The following LDLRAD4 variants were observed in gnomAD, a reference collection of about 807,000 sequenced individuals.
LDLRAD4 encodes the protein low-density lipoprotein receptor class A domain-containing protein 4.
LDLRAD4 carries 5 observed loss-of-function variants against 17.0 expected under a neutral mutation model. The ratio of observed to expected loss-of-function variants is 0.29; its 90% CI spans 0.15 to 0.62. LDLRAD4 has a LOEUF of 0.62. LDLRAD4 is among the 20% of genes least tolerant of loss of function. The pLI is 0.84. For synonymous variants in LDLRAD4, 168 were observed against 171.8 expected (o/e 0.98, Z 0.17); for missense variants, 340 against 424.7 (o/e 0.80, Z 1.75).
chr18:13,383,837 C>T (rs973123419), intron 1 of LDLRAD4, among the ~76,000 whole-genome samples: 3 of 152,164 alleles, frequency 2.0e-5, no homozygotes, highest in African/African-American at 4.8e-5. Flanking sequence ...CTGAGCAGAA[C>T]GAAGCTTGCA....
chr18:13,398,795 G>C lies in LDLRAD4; in HGVS notation c.40+11033G>C, dbSNP rs1022571349. On this transcript the variant is annotated intron_variant, in intron 2 of 5. Transcript: ENST00000359446. This position sits in a 1 kb window ranked among gnomAD's most constrained non-coding sequence, Gnocchi z 4.8. Reference sequence around the variant, plus strand: ...CTCTGCAGAACCAGGCCCTGCCAGTGACCAGCCCACCCTCCCCGGGGGCAC... The same window carrying C: ...CTCTGCAGAACCAGGCCCTGCCAGTCACCAGCCCACCCTCCCCGGGGGCAC... Among the ~76,000 whole-genome samples, 2 of 152,156 alleles carry C rather than the reference G, an allele frequency of 1.3e-5. No individual in the cohort carries two copies. The highest frequency in any genetic ancestry group is 4.8e-5 in the African/African-American group (2 of 41,410).
intron 3 of LDLRAD4, among the ~76,000 whole-genome samples, chr18:13,574,922 C>T (rs1408856811): frequency 6.6e-6 from 1 of 152,198 alleles, no homozygotes; most frequent in Non-Finnish European, 1.5e-5. Flanking sequence ...TACGTCTCCT[C>T]CTTACAGCAC....
Position 13,300,890 on chromosome 18 carries a change from C to T in LDLRAD4, c.-383+22702C>T, listed in dbSNP as rs1008000886. Among the ~76,000 whole-genome samples the T allele has an allele frequency of 2.0e-5, 3 of 152,240 alleles. No individual in the cohort carries two copies. Among genetic ancestry groups the T allele is most frequent in the Admixed American group, 6.5e-5 (1 of 15,288 alleles). On this transcript the variant is annotated intron_variant, in intron 1 of 5. Transcript: ENST00000359446. The surrounding 1 kb of genome is among the most constrained non-coding windows in gnomAD (Gnocchi z 4.2). ...GGTGGTGAACTGGGAGCCGGCAGCG[C>T]GTCCCAGCGCTGAACCCGTGGCACC...
At chr18:13,325,854 G>A (rs1364283984) in intron 1 of LDLRAD4, among the ~76,000 whole-genome samples, 2 of 151,790 alleles carry the variant, frequency 1.3e-5, no homozygotes, top group South Asian at 2.1e-4. Context: ...CCGGGTTCAC[G>A]CCATTCTCCT....
chr18:13,321,599 C>G (rs2081221612), intron 1 of LDLRAD4, among the ~76,000 whole-genome samples: 1 of 152,072 alleles, frequency 6.6e-6, no homozygotes, highest in African/African-American at 2.4e-5. Flanking sequence ...GGCGTGGTGA[C>G]TCACGCCTGT....
chr18:13,231,433 G>A (rs2042068819), intron 1 of LDLRAD4, among the ~76,000 whole-genome samples: 3 of 152,178 alleles, frequency 2.0e-5, no homozygotes, highest in Admixed American at 1.3e-4. Flanking sequence ...GCCCGAGATC[G>A]CGTGAGTCTG....
intron 1 of LDLRAD4, among the ~76,000 whole-genome samples, chr18:13,226,180 C>CTCTTTTTTTTTTTTTTTTTTTTTTT (rs71370946): frequency 3.8e-5 from 2 of 52,188 alleles, no homozygotes; most frequent in African/African-American, 1.6e-4. Context: ...CCATGCCTTG[C>CTCTTTTTTTTTTTTTTTTTTTTTTT]TTTTTTTTTT....
At chr18:13,412,113 G>A (rs2088423008) in intron 2 of LDLRAD4, among the ~76,000 whole-genome samples, 1 of 152,190 alleles carries the variant, frequency 6.6e-6, no homozygotes, top group Admixed American at 6.5e-5. Flanking sequence ...CAAGTGTTGA[G>A]ATTACAGGGA....
chr18:13,482,065 G>A (rs962334261), intron 3 of LDLRAD4, among the ~76,000 whole-genome samples: 6 of 152,056 alleles, frequency 3.9e-5, no homozygotes, highest in Admixed American at 1.3e-4. Context: ...CTCTGTGGCC[G>A]AGGTGGACAG....
chr18:13,221,285 T>C (rs1180883209), intron 1 of LDLRAD4, among the ~76,000 whole-genome samples: 1 of 152,218 alleles, frequency 6.6e-6, no homozygotes, highest in Non-Finnish European at 1.5e-5. Flanking sequence ...AAATTATTCT[T>C]TTCTTTCTTC....
chr18:13,416,340 C>T (rs549819385), intron 2 of LDLRAD4, among the ~76,000 whole-genome samples: 2 of 152,338 alleles, frequency 1.3e-5, no homozygotes, highest in East Asian at 3.9e-4. Flanking sequence ...TGAGATCCTC[C>T]AAGCACTGTC....
At chr18:13,395,221 C>A (rs1052773316) in intron 2 of LDLRAD4, among the ~76,000 whole-genome samples, 2 of 151,798 alleles carry the variant, frequency 1.3e-5, no homozygotes, top group African/African-American at 2.4e-5. Flanking sequence ...AGTACCAAAA[C>A]ACAGTCTGGC....
At chr18:13,577,071 G>A (rs35933933) in intron 3 of LDLRAD4, among the ~76,000 whole-genome samples, 50,709 of 133,590 alleles carry the variant, frequency 0.38, 9,847 homozygotes, top group South Asian at 0.52. Flanking sequence ...TTTTATTTGC[G>A]GTTTAGCATT....
In LDLRAD4 at chr18:13,447,849, TCTGC is replaced by T. The variant is rs2091521410; in HGVS notation, c.181+9469_181+9472del. ...GGTCATGAATACTGTCTAGACGCTCTCTGCCTGAGCGAAGCCCTGGTCTCTAAGG... is the reference window on the plus strand; with the variant it reads ...GGTCATGAATACTGTCTAGACGCTCTCTGAGCGAAGCCCTGGTCTCTAAGG... On this transcript the variant is annotated intron_variant, in intron 3 of 5. Transcript: ENST00000359446. Among the ~76,000 whole-genome samples, 3 of 152,196 alleles carry T rather than the reference TCTGC, an allele frequency of 2.0e-5. No individual in the cohort carries two copies. In the South Asian group the frequency reaches 6.2e-4, roughly 32 times the overall value.
chr18:13,278,777 TC>T, intron 1 of LDLRAD4, among the ~76,000 whole-genome samples: 1 of 152,224 alleles, frequency 6.6e-6, no homozygotes, highest in Non-Finnish European at 1.5e-5. Flanking sequence ...CCGCTTGTCT[TC>T]CTTCCTTCCA....
At chr18:13,262,164 G>GAGTCCCGTGT (rs2043877615) in intron 1 of LDLRAD4, among the ~76,000 whole-genome samples, 1 of 108,022 alleles carries the variant, frequency 9.3e-6, no homozygotes, top group Non-Finnish European at 1.9e-5. Context: ...CTGTGCGTGG[G>GAGTCCCGTGT]GGCTGAGTCC....
chr18:13,343,161 C>T (rs867939511), intron 1 of LDLRAD4, among the ~76,000 whole-genome samples: 3 of 151,844 alleles, frequency 2.0e-5, no homozygotes, highest in Non-Finnish European at 2.9e-5. Flanking sequence ...TATACATGTG[C>T]CATGTTGGTG....
At position 13,561,123 on chromosome 18, in the gene LDLRAD4, A is replaced by G. The variant is rs554376148; in HGVS notation, c.182-59994A>G. 1.1e-4 allele frequency among the ~76,000 whole-genome samples: 14 copies of G among 129,086 alleles called. No homozygotes were observed. In the South Asian group the frequency reaches 3.9e-3, roughly 36 times the overall value. 84.7% of individuals were successfully genotyped at this position (129,086 alleles called of 152,430 possible). ...CCCAGTTACCAGATCTTACTGTCTCAGGGAACATCCTGCAGATATTCAGGG... is the reference window on the plus strand; with the variant it reads ...CCCAGTTACCAGATCTTACTGTCTCGGGGAACATCCTGCAGATATTCAGGG... On this transcript the variant is annotated intron_variant, in intron 3 of 5. Transcript: ENST00000359446.
rs34570055 is a variant in LDLRAD4, at chr18:13,564,700, G to GCC, written c.182-56412_182-56411dup. On this transcript the variant is annotated intron_variant, in intron 3 of 5. Transcript: ENST00000359446. ...CCCACGACCCCGCCTCTGCGCTGCCGCCCCCCTTCCTCCTGGCGGGGCCGT... is the reference window on the plus strand; with the variant it reads ...CCCACGACCCCGCCTCTGCGCTGCCGCCCCCCCCTTCCTCCTGGCGGGGCCGT... Among the ~76,000 whole-genome samples, 94 of 151,548 alleles carry GCC rather than the reference G, an allele frequency of 6.2e-4. No homozygotes were observed. The South Asian group carries it at 9.8e-3, about 16-fold the overall frequency.
Sources: gnomAD v4.1 joint callset for allele counts (sites outside exome capture counted in the v4.1 genomes callset) on GRCh38, gnomAD v4.1.1 for gene constraint, Gnocchi (gnomAD v3.1) non-coding constraint, MANE v1.5 for transcripts, NCBI Gene and HGNC (gene_info 2026-07-23, HGNC 2026-07-21) for gene names.